The following CNTN4 variants were observed in gnomAD, a reference collection of about 807,000 sequenced individuals.
CNTN4 encodes contactin 4.
CNTN4 carries 77 observed loss-of-function variants against 122.5 expected under a neutral mutation model. The ratio of observed to expected loss-of-function variants is 0.63; its 90% confidence interval spans 0.52 to 0.76. The LOEUF is 0.76. Among genes scored for constraint, CNTN4 ranks in the 30% least tolerant of loss-of-function variants. CNTN4 has a pLI of 0.00. For synonymous variants in CNTN4, 512 were observed against 447.0 expected, an observed-to-expected ratio of 1.15 and a Z score of -1.83; for missense variants, 1,256 against 1,259.1, an observed-to-expected ratio of 1.00 and a Z score of 0.04.
chr3:2,754,818 T>C (rs766943555), intron 6 of CNTN4, among the ~76,000 whole-genome samples: 2 of 147,180 alleles, frequency 1.4e-5, no homozygotes, highest in African/African-American at 2.7e-5. Context: ...CATTCTGAGG[T>C]TAATTTAAGT....
At chr3:2,436,940 A>G (rs759423011) in intron 3 of CNTN4, among the ~76,000 whole-genome samples, 85 of 151,768 alleles carry the variant, frequency 5.6e-4, no homozygotes, top group Non-Finnish European at 3.7e-4. Context: ...CCTTAGAACT[A>G]TACTTTCCTT....
intron 2 of CNTN4, among the ~76,000 whole-genome samples, chr3:2,259,260 G>A (rs1040357923): frequency 4.6e-5 from 7 of 152,148 alleles, no homozygotes; most frequent in African/African-American, 9.7e-5. Flanking sequence ...AAGGAGGAAG[G>A]GAGAAATCAG....
Position 2,304,649 on chromosome 3 carries a change from G to C in CNTN4, c.-144-34529G>C, listed in dbSNP as rs536767162. 7.0e-4 allele frequency among the ~76,000 whole-genome samples: 106 copies of C among 152,018 alleles called. 1 individual carries two copies. The highest frequency in any genetic ancestry group is 2.2e-3 in the African/African-American group (93 of 41,500). ...GGCGAGGAGTTGGCTTTATCACATT[G>C]TGTGAACTGACCCAACAATAATGTG... is the stretch of plus-strand genomic sequence containing the variant. On this transcript the variant is annotated intron_variant, in intron 2 of 24. Transcript: ENST00000418658.
intron 3 of CNTN4, among the ~76,000 whole-genome samples, chr3:2,406,788 C>T (rs1433082407): frequency 2.0e-5 from 3 of 152,046 alleles, no homozygotes; most frequent in Non-Finnish European, 4.4e-5. Context: ...AAAGCAATTG[C>T]TTTGAAGTGA....
chr3:2,436,603 T>A (rs1014036567), intron 3 of CNTN4, among the ~76,000 whole-genome samples: 1 of 152,034 alleles, frequency 6.6e-6, no homozygotes, highest in Non-Finnish European at 1.5e-5. Context: ...TAGAAAGGAA[T>A]CCTTTGTGAT....
At chr3:2,526,350 C>T (rs1222370330) in intron 3 of CNTN4, among the ~76,000 whole-genome samples, 3 of 152,118 alleles carry the variant, frequency 2.0e-5, no homozygotes, top group Non-Finnish European at 2.9e-5. Context: ...CATTTTATGG[C>T]ATATTTAAAG....
At chr3:2,359,357 C>T (rs2045017504) in intron 3 of CNTN4, among the ~76,000 whole-genome samples, 1 of 152,074 alleles carries the variant, frequency 6.6e-6, no homozygotes, top group South Asian at 2.1e-4. Flanking sequence ...CTCCAGTGTT[C>T]ACTTAGGAGT....
At chr3:2,868,947 A>T (rs1463376680) in intron 8 of CNTN4, among the ~76,000 whole-genome samples, 1 of 152,072 alleles carries the variant, frequency 6.6e-6, no homozygotes, top group Non-Finnish European at 1.5e-5. Flanking sequence ...GGCCCTCTTA[A>T]GATCAGAGGG....
intron 4 of CNTN4, among the ~76,000 whole-genome samples, chr3:2,585,238 G>T (rs7626341): frequency 6.6e-6 from 1 of 151,546 alleles, no homozygotes. Context: ...TACACTGTTG[G>T]TGGGACTGTA....
chr3:2,423,517 C>G (rs2047690538), intron 3 of CNTN4, among the ~76,000 whole-genome samples: 1 of 147,812 alleles, frequency 6.8e-6, no homozygotes, highest in African/African-American at 2.5e-5. Flanking sequence ...TCTGTGGAAT[C>G]CTTTTTGCCC....
At chr3:2,690,449 C>T (rs1220713884) in intron 4 of CNTN4, among the ~76,000 whole-genome samples, 1 of 152,132 alleles carries the variant, frequency 6.6e-6, no homozygotes, top group Non-Finnish European at 1.5e-5. Context: ...GGTTATTTAA[C>T]TCTCTAACCC....
chr3:2,443,626 C>T (rs181131412), intron 3 of CNTN4, among the ~76,000 whole-genome samples: 2 of 152,230 alleles, frequency 1.3e-5, no homozygotes, highest in African/African-American at 4.8e-5. Flanking sequence ...TAATTTCAGT[C>T]ATATATGACT....
chr3:2,650,616 C>T (rs1273113056), intron 4 of CNTN4, among the ~76,000 whole-genome samples: 1 of 152,184 alleles, frequency 6.6e-6, no homozygotes, highest in South Asian at 2.1e-4. Flanking sequence ...ATGGCCACAG[C>T]CACCCCAGCC....
intron 7 of CNTN4, among the ~76,000 whole-genome samples, chr3:2,862,202 C>T (rs75323609): frequency 0.081 from 12,329 of 152,204 alleles, 642 homozygotes; most frequent in Middle Eastern, 0.19. Flanking sequence ...CAGAACATAA[C>T]GAAGCATAAT....
intron 3 of CNTN4, among the ~76,000 whole-genome samples, chr3:2,544,148 C>G (rs879687326): frequency 6.6e-6 from 1 of 152,142 alleles, no homozygotes; most frequent in Non-Finnish European, 1.5e-5. Context: ...TTAAATCTTT[C>G]TCAGACCCCA....
chr3:2,887,351 G>C (rs1288038200), intron 10 of CNTN4, 127 bp downstream of exon 10: 1 of 873,412 alleles, frequency 1.1e-6, no homozygotes. Context: ...GAAACTCATG[G>C]TTTGCTCCAT....
intron 3 of CNTN4, among the ~76,000 whole-genome samples, chr3:2,390,482 G>A (rs1015888530): frequency 1.3e-5 from 2 of 152,022 alleles, no homozygotes; most frequent in African/African-American, 4.8e-5. Flanking sequence ...CATTCAATGT[G>A]CTTACTAAAA....
chr3:2,333,013 G>C (rs1462223406), intron 2 of CNTN4, among the ~76,000 whole-genome samples: 1 of 152,136 alleles, frequency 6.6e-6, no homozygotes, highest in South Asian at 2.1e-4. Context: ...GTCACTGGTT[G>C]TTCACCCTGG....
At chr3:2,907,341 G>C (rs1278010061) in intron 12 of CNTN4, among the ~76,000 whole-genome samples, 1 of 152,192 alleles carries the variant, frequency 6.6e-6, no homozygotes, top group Admixed American at 6.5e-5. Flanking sequence ...GGGAAGTCAA[G>C]GTGGGTGGAT....
Sources: allele counts gnomAD v4.1 joint callset (sites outside exome capture counted in the v4.1 genomes callset), GRCh38; gene constraint gnomAD v4.1.1; transcripts MANE v1.5; gene names NCBI Gene and HGNC (gene_info 2026-07-23, HGNC 2026-07-21).